LRRC4C: variants seen among roughly 807,000 people sequenced by gnomAD.
LRRC4C encodes the protein leucine-rich repeat-containing protein 4C.
In LRRC4C, 5 loss-of-function variants were observed where a neutral mutation model predicts 33.6. That is an observed-to-expected ratio of 0.15 (90% CI 0.08 to 0.31). The LOEUF (loss-of-function observed/expected upper bound fraction) is 0.31, where lower values mean the gene tolerates loss of function less well. Among genes scored for constraint, LRRC4C ranks in the 10% least tolerant of loss-of-function variants. The pLI is 1.00. For missense variants in LRRC4C, 560 were observed against 796.7 expected (o/e 0.70, Z 3.58); for synonymous variants, 329 against 302.0 (o/e 1.09, Z -0.93).
At chr11:40,958,359 G>A (rs189145667) in intron 1 of LRRC4C, among the ~76,000 whole-genome samples, 70 of 151,810 alleles carry the variant, frequency 4.6e-4, no homozygotes, top group African/African-American at 1.6e-3. Context: ...CAAAATGAAT[G>A]TAAATTATAT....
chr11:41,431,947 A>T (rs1590260113), intron 1 of LRRC4C, among the ~76,000 whole-genome samples: 1 of 152,128 alleles, frequency 6.6e-6, no homozygotes, highest in Admixed American at 6.6e-5. Context: ...GGTCAGGTCT[A>T]GGAGTATGTC....
At chr11:41,306,290 G>A (rs1950504094) in intron 1 of LRRC4C, among the ~76,000 whole-genome samples, 1 of 152,176 alleles carries the variant, frequency 6.6e-6, no homozygotes, top group Non-Finnish European at 1.5e-5. Context: ...CTCACAGAAA[G>A]CTAGTAGTAT....
chr11:41,445,691 G>A (rs1955798898), intron 1 of LRRC4C, among the ~76,000 whole-genome samples: 1 of 152,098 alleles, frequency 6.6e-6, no homozygotes, highest in African/African-American at 2.4e-5. Context: ...CTTCCCATCT[G>A]TAATACGTGA....
chr11:41,368,295 C>A (rs547841103), intron 1 of LRRC4C, among the ~76,000 whole-genome samples: 2 of 152,238 alleles, frequency 1.3e-5, no homozygotes, highest in South Asian at 4.1e-4. Context: ...CAATCAGTGT[C>A]CAATTTGTTT....
intron 4 of LRRC4C, among the ~76,000 whole-genome samples, chr11:40,295,652 A>G (rs1203753862): frequency 6.6e-6 from 1 of 152,240 alleles, no homozygotes; most frequent in Non-Finnish European, 1.5e-5. Context: ...AGCATGCTGT[A>G]ACGTGCATCT....
intron 3 of LRRC4C, among the ~76,000 whole-genome samples, chr11:40,591,765 C>A (rs1959069550): frequency 6.6e-6 from 1 of 152,148 alleles, no homozygotes; most frequent in Admixed American, 6.5e-5. Flanking sequence ...GAAGCATAAA[C>A]AAAACTTAAT....
intron 2 of LRRC4C, among the ~76,000 whole-genome samples, chr11:40,929,599 A>G (rs1957529674): frequency 6.6e-6 from 1 of 152,004 alleles, no homozygotes; most frequent in East Asian, 1.9e-4. Context: ...TAGTTATTCA[A>G]TTCTTTTTTA....
At chr11:40,195,094 G>GAA (rs561968543) in intron 5 of LRRC4C, among the ~76,000 whole-genome samples, 1 of 137,846 alleles carries the variant, frequency 7.3e-6, no homozygotes, top group Non-Finnish European at 1.6e-5. Context: ...CCGTCTCAAA[G>GAA]AAAAAAAAAA....
At chr11:40,209,861 T>G (rs1486097909) in intron 5 of LRRC4C, among the ~76,000 whole-genome samples, 1 of 152,146 alleles carries the variant, frequency 6.6e-6, no homozygotes. Flanking sequence ...AAGAGAAGTA[T>G]TGGGTTGAAA....
intron 1 of LRRC4C, among the ~76,000 whole-genome samples, chr11:41,407,557 C>T (rs1954289916): frequency 6.6e-6 from 1 of 152,124 alleles, no homozygotes; most frequent in African/African-American, 2.4e-5. Context: ...CCACCTTGGC[C>T]TCCTAAAGTG....
At chr11:41,215,355 G>T (rs1250843896) in intron 1 of LRRC4C, among the ~76,000 whole-genome samples, 1 of 151,590 alleles carries the variant, frequency 6.6e-6, no homozygotes, top group Non-Finnish European at 1.5e-5. Flanking sequence ...GGACGTGGTG[G>T]TGCACGCCTG....
At chr11:40,402,803 T>C (rs1042011914) in intron 3 of LRRC4C, among the ~76,000 whole-genome samples, 4 of 152,128 alleles carry the variant, frequency 2.6e-5, no homozygotes, top group African/African-American at 9.7e-5. Context: ...CATGAAATCC[T>C]TAGAAGCAAA....
chr11:41,128,945 T>C (rs1942883315), intron 1 of LRRC4C, among the ~76,000 whole-genome samples: 1 of 151,996 alleles, frequency 6.6e-6, no homozygotes, highest in African/African-American at 2.4e-5. Context: ...CGAGTGTTTA[T>C]ATCACTACAA....
intron 1 of LRRC4C, among the ~76,000 whole-genome samples, chr11:41,383,776 C>T (rs554319419): frequency 4.6e-5 from 7 of 151,602 alleles, no homozygotes; most frequent in Non-Finnish European, 5.9e-5. Flanking sequence ...TGTAAATTAA[C>T]TCAGTGACCC....
chr11:40,471,876 A>G (rs1354962564), intron 3 of LRRC4C, among the ~76,000 whole-genome samples: 1 of 152,170 alleles, frequency 6.6e-6, no homozygotes, highest in Admixed American at 6.5e-5. Flanking sequence ...TCTCAGCACC[A>G]CATCGCACTT....
chr11:40,420,645 C>T (rs761061622), intron 3 of LRRC4C, among the ~76,000 whole-genome samples: 5 of 152,168 alleles, frequency 3.3e-5, no homozygotes, highest in African/African-American at 4.8e-5. Flanking sequence ...CTAAAGAATG[C>T]ACTAATTCAA....
intron 4 of LRRC4C, among the ~76,000 whole-genome samples, chr11:40,272,005 A>G (rs985446291): frequency 6.6e-6 from 1 of 152,148 alleles, no homozygotes; most frequent in Non-Finnish European, 1.5e-5. Context: ...ATAAAATACC[A>G]TGAAAAACCT....
At chr11:40,351,767 A>G (rs1947400787) in intron 3 of LRRC4C, 1 of 150,334 alleles carries the variant, frequency 6.7e-6, no homozygotes, top group Non-Finnish European at 1.5e-5. Flanking sequence ...GACCTCTGTC[A>G]CTATATAATG....
At chr11:41,236,415 C>T (rs966700891) in intron 1 of LRRC4C, among the ~76,000 whole-genome samples, 2 of 151,960 alleles carry the variant, frequency 1.3e-5, no homozygotes, top group South Asian at 2.1e-4. Context: ...GTAACAAAAC[C>T]GAGTCTAAGA....
Sources: allele counts gnomAD v4.1 joint callset (sites outside exome capture counted in the v4.1 genomes callset), GRCh38; gene constraint gnomAD v4.1.1; transcripts MANE v1.5; gene names NCBI Gene and HGNC (gene_info 2026-07-23, HGNC 2026-07-21).